SMIM10L1: variants seen among roughly 807,000 people sequenced by gnomAD.
SMIM10L1 encodes small integral membrane protein 10-like protein 1.
In SMIM10L1, 6 loss-of-function variants were observed where a neutral mutation model predicts 4.5. The ratio of observed to expected loss-of-function variants is 1.33; its 90% confidence interval spans 0.73 to 2.62. SMIM10L1 has a LOEUF of 2.62. SMIM10L1 is among the 30% of genes most tolerant of loss of function. The probability of loss-of-function intolerance (pLI) is 0.00; values close to 1 mark genes in which losing one functional copy is unlikely to be tolerated. For synonymous variants in SMIM10L1, 49 were observed against 42.2 expected, an observed-to-expected ratio of 1.16 and a Z score of -0.63; for missense variants, 66 against 86.2, an observed-to-expected ratio of 0.77 and a Z score of 0.93.
chr12:11,175,961 C>G lies in SMIM10L1; in HGVS notation c.*4398C>G, dbSNP rs1223965608. 1 of 152,170 alleles carries G rather than the reference C, an allele frequency of 6.6e-6. No individual in the cohort carries two copies. The highest frequency in any genetic ancestry group is 1.5e-5 in the Non-Finnish European group (1 of 68,042). 9.4% of individuals were successfully genotyped at this position (152,170 alleles called of 1,614,324 possible). On this transcript the variant is annotated 3_prime_UTR_variant, in exon 1 of 1. Coordinates refer to ENST00000622602, the MANE Select transcript of SMIM10L1 (RefSeq NM_001271592.2). ...ATACCAAATTTGTGAATGCCTGGAT[C>G]TTGGACTTCCCAGCTTCTAGAACTA...
rs1947852996 is a variant in SMIM10L1, at chr12:11,171,656, A to G, written c.*93A>G. The G allele has an allele frequency of 1.1e-6, 1 of 934,694 alleles. No individual in the cohort carries two copies. The highest frequency in any genetic ancestry group is 1.7e-5 in the African/African-American group (1 of 58,900). The allele number at this position is 934,694 out of a possible 1,614,324, so 57.9% of individuals were successfully genotyped here. On this transcript the variant is annotated 3_prime_UTR_variant, in exon 1 of 1. Coordinates refer to ENST00000622602, the MANE Select transcript of SMIM10L1 (RefSeq NM_001271592.2). ...GGCGGAGCAGCCAATGGCGAGCCCC[A>G]CAGTCTCGCGAGAGTGCTCAGGCGC...
chr12:11,175,146 T>C lies in SMIM10L1; in HGVS notation c.*3583T>C, dbSNP rs1947929802. ...ATTTGATATGTAAGTTCAAGTATTT[T>C]ATACTCTCTGCAGCCTTAAACCTAT... On this transcript the variant is annotated 3_prime_UTR_variant, in exon 1 of 1. Coordinates refer to ENST00000622602, the MANE Select transcript of SMIM10L1 (RefSeq NM_001271592.2). The C allele has an allele frequency of 7.0e-6, 1 of 143,630 alleles. No individual in the cohort carries two copies. The highest frequency in any genetic ancestry group is 1.6e-5 in the Non-Finnish European group (1 of 64,116). 8.9% of individuals were successfully genotyped at this position (143,630 alleles called of 1,614,324 possible). A position where few individuals can be genotyped will look rare whatever the true frequency, so the allele number is the denominator to read the frequency against.
rs553138465 is a variant in SMIM10L1 at position 11,172,162 on chromosome 12, G to C, written c.*599G>C. 1.3e-5 allele frequency: 2 copies of C among 152,338 alleles called. No homozygotes were observed. Among genetic ancestry groups the C allele is most frequent in the East Asian group, 3.9e-4 (2 of 5,188 alleles). The allele number at this position is 152,338 out of a possible 1,614,324, so 9.4% of individuals were successfully genotyped here. On this transcript the variant is annotated 3_prime_UTR_variant, in exon 1 of 1. Transcript: ENST00000622602. ...GTGTAAGAAAATGGGCTCTACTTCA[G>C]TGATCCTGTGGCAGGACGTGGATCA...
At position 11,174,787 on chromosome 12, in the gene SMIM10L1, A is replaced by G. The variant is rs1441107270; in HGVS notation, c.*3224A>G. ...TAAAATATATTGAGTTTTTAATACC[A>G]GGAACTATGAAAAACTATTTATATA... On this transcript the variant is annotated 3_prime_UTR_variant, in exon 1 of 1. Coordinates refer to ENST00000622602, the MANE Select transcript of SMIM10L1 (RefSeq NM_001271592.2). The G allele has an allele frequency of 1.3e-5, 2 of 152,474 alleles. No individual in the cohort carries two copies. Among genetic ancestry groups the G allele is most frequent in the African/African-American group, 2.4e-5 (1 of 41,418 alleles). The allele number at this position is 152,474 out of a possible 1,614,324, so 9.4% of individuals were successfully genotyped here. A position where few individuals can be genotyped will look rare whatever the true frequency, so the allele number is the denominator to read the frequency against.
chr12:11,175,240 G>T lies in SMIM10L1; in HGVS notation c.*3677G>T, dbSNP rs377466391. 40 of 152,216 alleles carry T rather than the reference G, an allele frequency of 2.6e-4. No homozygotes were observed. The East Asian group carries it at 7.5e-3, about 29-fold the overall frequency. The allele number at this position is 152,216 out of a possible 1,614,324, so 9.4% of individuals were successfully genotyped here. A position where few individuals can be genotyped will look rare whatever the true frequency, so the allele number is the denominator to read the frequency against. On this transcript the variant is annotated 3_prime_UTR_variant, in exon 1 of 1. Transcript: ENST00000622602. Reference sequence around the variant, plus strand: ...AGCAAAGGGAGAGAGAGGAAAGAACGTTGTCCTCAGAATGGAAGGGAAACA... The same window carrying T: ...AGCAAAGGGAGAGAGAGGAAAGAACTTTGTCCTCAGAATGGAAGGGAAACA...
At position 11,171,730 on chromosome 12, in the gene SMIM10L1, C is replaced by A; in HGVS notation, c.*167C>A. 2.3e-6 allele frequency: 1 copy of A among 433,024 alleles called. No individual in the cohort carries two copies. The highest frequency in any genetic ancestry group is 3.9e-6 in the Non-Finnish European group (1 of 258,830). The allele number at this position is 433,024 out of a possible 1,614,324, so 26.8% of individuals were successfully genotyped here. On this transcript the variant is annotated 3_prime_UTR_variant, in exon 1 of 1. Coordinates refer to ENST00000622602, the MANE Select transcript of SMIM10L1 (RefSeq NM_001271592.2). ...GCTAGCGGAGCTCCTCAGGGGGCGG[C>A]CGGGAGCCTACAATCCCTAGAAAGA...
In SMIM10L1 at chr12:11,174,009, A is replaced by G. The variant is rs917696747; in HGVS notation, c.*2446A>G. The G allele has an allele frequency of 3.3e-5, 5 of 151,340 alleles. No individual in the cohort carries two copies. Among genetic ancestry groups the G allele is most frequent in the African/African-American group, 1.2e-4 (5 of 41,168 alleles). 9.4% of individuals were successfully genotyped at this position (151,340 alleles called of 1,614,324 possible). ...TATAGTTACTACTTACAATATATGC[A>G]TAAAGTTACAGCTTACATTTACCTC... On this transcript the variant is annotated 3_prime_UTR_variant, in exon 1 of 1. Coordinates refer to ENST00000622602, the MANE Select transcript of SMIM10L1 (RefSeq NM_001271592.2).
Position 11,175,759 on chromosome 12 carries a change from A to G in SMIM10L1, c.*4196A>G, listed in dbSNP as rs1229173563. 2.0e-5 allele frequency: 3 copies of G among 152,202 alleles called. No homozygotes were observed. The highest frequency in any genetic ancestry group is 7.2e-5 in the African/African-American group (3 of 41,438). The allele number at this position is 152,202 out of a possible 1,614,324, so 9.4% of individuals were successfully genotyped here. On this transcript the variant is annotated 3_prime_UTR_variant, in exon 1 of 1. Transcript: ENST00000622602. ...TTCACATGTTGGCATTTAACCCCCAAAGTGATGATCTCAGGAGATGGGACC... is the reference window on the plus strand; with the variant it reads ...TTCACATGTTGGCATTTAACCCCCAGAGTGATGATCTCAGGAGATGGGACC...
Position 11,174,549 on chromosome 12 carries a change from T to A in SMIM10L1, c.*2986T>A, listed in dbSNP as rs1947919969. 1 of 151,718 alleles carries A rather than the reference T, an allele frequency of 6.6e-6. No homozygotes were observed. The highest frequency in any genetic ancestry group is 6.6e-5 in the Admixed American group (1 of 15,196). 9.4% of individuals were successfully genotyped at this position (151,718 alleles called of 1,614,324 possible). On this transcript the variant is annotated 3_prime_UTR_variant, in exon 1 of 1. Coordinates refer to ENST00000622602, the MANE Select transcript of SMIM10L1 (RefSeq NM_001271592.2). ...AAAAGCAGAGACATAGGTGGTATAG[T>A]TATTATCAATAGAGATAAGAAATGT...
In SMIM10L1 at chr12:11,171,419, C is replaced by G; in HGVS notation, c.63C>G (p.Pro21=). 1.6e-6 allele frequency: 2 copies of G among 1,232,092 alleles called. No homozygotes were observed. Among genetic ancestry groups the G allele is most frequent in the Non-Finnish European group, 2.0e-6 (2 of 987,920 alleles). 76.3% of individuals were successfully genotyped at this position (1,232,092 alleles called of 1,614,324 possible). A position where few individuals can be genotyped will look rare whatever the true frequency, so the allele number is the denominator to read the frequency against. The part of the protein sequence containing the change: ...AVRASSPAAT[P]TSYGVFCKGL... ...GGGCCTCAAGCCCCGCCGCGACACC[C>G]ACCTCGTACGGCGTCTTCTGCAAGG... The change falls in exon 1 of 1, where the codon CCC becomes CCG. Residue 21 remains proline (P), a synonymous_variant. Coordinates refer to ENST00000622602, the MANE Select transcript of SMIM10L1 (RefSeq NM_001271592.2).
Position 11,175,623 on chromosome 12 carries a change from C to A in SMIM10L1, c.*4060C>A, listed in dbSNP as rs1182489562. Reference sequence around the variant, plus strand: ...CTGCAAGAACTATGAGAATTCCCAACAATTGGGTTGGATTGATTCATATTA... The same window carrying A: ...CTGCAAGAACTATGAGAATTCCCAAAAATTGGGTTGGATTGATTCATATTA... On this transcript the variant is annotated 3_prime_UTR_variant, in exon 1 of 1. Transcript: ENST00000622602. The A allele has an allele frequency of 1.3e-5, 2 of 152,174 alleles. No individual in the cohort carries two copies. Among genetic ancestry groups the A allele is most frequent in the Non-Finnish European group, 1.5e-5 (1 of 68,034 alleles). The allele number at this position is 152,174 out of a possible 1,614,324, so 9.4% of individuals were successfully genotyped here. A position where few individuals can be genotyped will look rare whatever the true frequency, so the allele number is the denominator to read the frequency against.
Position 11,172,979 on chromosome 12 carries a change from T to G in SMIM10L1, c.*1416T>G, listed in dbSNP as rs1437192830. Reference sequence around the variant, plus strand: ...AAATGCAGAAAAAGGAGTATACACATGTTTTCTTCGGATTAAAAAAACTAA... The same window carrying G: ...AAATGCAGAAAAAGGAGTATACACAGGTTTTCTTCGGATTAAAAAAACTAA... On this transcript the variant is annotated 3_prime_UTR_variant, in exon 1 of 1. Transcript: ENST00000622602. 3 of 152,040 alleles carry G rather than the reference T, an allele frequency of 2.0e-5. No homozygotes were observed. The highest frequency in any genetic ancestry group is 7.2e-5 in the African/African-American group (3 of 41,394). 9.4% of individuals were successfully genotyped at this position (152,040 alleles called of 1,614,324 possible).
In SMIM10L1 at chr12:11,172,789, G is replaced by C. The variant is rs1044330345; in HGVS notation, c.*1226G>C. ...AATTTAAAAACTACACTGTATACAC[G>C]GTATACCTCAACTGTGAATAATAGT... On this transcript the variant is annotated 3_prime_UTR_variant, in exon 1 of 1. Coordinates refer to ENST00000622602, the MANE Select transcript of SMIM10L1 (RefSeq NM_001271592.2). 6.6e-6 allele frequency: 1 copy of C among 152,060 alleles called. No individual in the cohort carries two copies. The highest frequency in any genetic ancestry group is 1.5e-5 in the Non-Finnish European group (1 of 68,010). 9.4% of individuals were successfully genotyped at this position (152,060 alleles called of 1,614,324 possible). A position where few individuals can be genotyped will look rare whatever the true frequency, so the allele number is the denominator to read the frequency against.
At position 11,171,227 on chromosome 12, in the gene SMIM10L1, C is replaced by T. The variant is rs1947831525; in HGVS notation, c.-130C>T. On this transcript the variant is annotated 5_prime_UTR_variant, in exon 1 of 1. Coordinates refer to ENST00000622602, the MANE Select transcript of SMIM10L1 (RefSeq NM_001271592.2). ...GCCGCACTGCACCGAGCGGCGGCAG[C>T]GGCAAGCTTGGGTGTGAGCCCGGGA... The T allele has an allele frequency of 3.8e-6, 2 of 524,934 alleles. No homozygotes were observed. The highest frequency in any genetic ancestry group is 5.8e-6 in the Non-Finnish European group (2 of 342,378). The allele number at this position is 524,934 out of a possible 1,614,324, so 32.5% of individuals were successfully genotyped here.
Position 11,171,943 on chromosome 12 carries a change from G to T in SMIM10L1, c.*380G>T, listed in dbSNP as rs1299396331. On this transcript the variant is annotated 3_prime_UTR_variant, in exon 1 of 1. Transcript: ENST00000622602. ...CAGTAAACCGGGAATCCTCGGACTG[G>T]ATTGTAAGCAAGATTTCAATGAATA... 1.2e-5 allele frequency: 2 copies of T among 160,402 alleles called. No individual in the cohort carries two copies. The allele number at this position is 160,402 out of a possible 1,614,324, so 9.9% of individuals were successfully genotyped here.
In SMIM10L1 at chr12:11,175,190, G is replaced by A. The variant is rs1316278157; in HGVS notation, c.*3627G>A. On this transcript the variant is annotated 3_prime_UTR_variant, in exon 1 of 1. Coordinates refer to ENST00000622602, the MANE Select transcript of SMIM10L1 (RefSeq NM_001271592.2). ...AACCTATTGGCTTATTTTATTAGAG[G>A]GTTGGTGGGATTGAGGGATATGGGA... The A allele has an allele frequency of 6.6e-6, 1 of 152,004 alleles. No homozygotes were observed. Among genetic ancestry groups the A allele is most frequent in the Admixed American group, 6.5e-5 (1 of 15,268 alleles). The allele number at this position is 152,004 out of a possible 1,614,324, so 9.4% of individuals were successfully genotyped here.
chr12:11,171,402 A>C lies in SMIM10L1; in HGVS notation c.46A>C (p.Ser16Arg). 8.1e-7 allele frequency: 1 copy of C among 1,231,946 alleles called. No homozygotes were observed. The allele number at this position is 1,231,946 out of a possible 1,614,324, so 76.3% of individuals were successfully genotyped here. A position where few individuals can be genotyped will look rare whatever the true frequency, so the allele number is the denominator to read the frequency against. Residue 16 changes from serine (S) to arginine (R), a missense_variant, in exon 1 of 1, where the codon AGC becomes CGC. Coordinates refer to ENST00000622602, the MANE Select transcript of SMIM10L1 (RefSeq NM_001271592.2). ...APSSLAVRAS[S>R]PAATPTSYGV... is the part of the protein sequence containing the mutation. ...GTCCTCCTTGGCCGTCAGGGCCTCA[A>C]GCCCCGCCGCGACACCCACCTCGTA... is the stretch of plus-strand genomic sequence containing the variant.
In SMIM10L1 at chr12:11,171,395, G is replaced by A. The variant is rs7488102; in HGVS notation, c.39G>A (p.Arg13=). 704,810 of 1,231,674 alleles carry A rather than the reference G, an allele frequency of 0.57. 206,250 individuals carry two copies. Among genetic ancestry groups the A allele is most frequent in the East Asian group, 0.75 (23,764 of 31,648 alleles). 76.3% of individuals were successfully genotyped at this position (1,231,674 alleles called of 1,614,324 possible). Reference sequence around the variant, plus strand: ...CGGCTCCGTCCTCCTTGGCCGTCAGGGCCTCAAGCCCCGCCGCGACACCCA... The same window carrying A: ...CGGCTCCGTCCTCCTTGGCCGTCAGAGCCTCAAGCCCCGCCGCGACACCCA... ...PAAAPSSLAV[R]ASSPAATPTS... is the part of the protein sequence containing the mutation. The change falls in exon 1 of 1, where the codon AGG becomes AGA. Residue 13 remains arginine, a synonymous_variant. Coordinates refer to ENST00000622602, the MANE Select transcript of SMIM10L1 (RefSeq NM_001271592.2).
rs1343974412 is a variant in SMIM10L1, at chr12:11,174,916, C to G, written c.*3353C>G. On this transcript the variant is annotated 3_prime_UTR_variant, in exon 1 of 1. Coordinates refer to ENST00000622602, the MANE Select transcript of SMIM10L1 (RefSeq NM_001271592.2). ...GAGAGGTTAAGTAAATTCCTAAGGTCATGATAACCAACCAGACCTCAAATG... is the reference window on the plus strand; with the variant it reads ...GAGAGGTTAAGTAAATTCCTAAGGTGATGATAACCAACCAGACCTCAAATG... 6.6e-6 allele frequency: 1 copy of G among 152,438 alleles called. No individual in the cohort carries two copies. Among genetic ancestry groups the G allele is most frequent in the Admixed American group, 6.6e-5 (1 of 15,262 alleles). The allele number at this position is 152,438 out of a possible 1,614,324, so 9.4% of individuals were successfully genotyped here.
Sources: gnomAD v4.1 joint callset for allele counts on GRCh38, gnomAD v4.1.1 for gene constraint, MANE v1.5 for transcripts, NCBI Gene and HGNC (gene_info 2026-07-23, HGNC 2026-07-21) for gene names.